DMD: variants seen among roughly 807,000 people sequenced by gnomAD.
The protein encoded by DMD is mutant dystrophin.
Under a neutral mutation model 330.1 loss-of-function variants are expected in DMD, and 63 were observed. That is an observed-to-expected ratio of 0.19 (90% CI 0.16 to 0.24). DMD has a LOEUF of 0.24. DMD is among the 10% of genes least tolerant of loss of function. The probability of loss-of-function intolerance (pLI) is 1.00; values close to 1 mark genes in which losing one functional copy is unlikely to be tolerated. For missense variants in DMD, 3,344 were observed against 2,684.1 expected (o/e 1.25, Z -5.43); for synonymous variants, 1,223 against 959.8 (o/e 1.27, Z -5.07).
chrX:32,951,399 GT>G (rs1294357074), intron 2 of DMD, among the ~76,000 whole-genome samples: 14 of 112,051 alleles, frequency 1.2e-4, no homozygotes, highest in Admixed American at 4.8e-4. Context: ...GAAAACAAGT[GT>G]GCTGGAATGT....
At chrX:32,292,509 G>A (rs989317631) in intron 42 of DMD, among the ~76,000 whole-genome samples, 6 of 108,284 alleles carry the variant, frequency 5.5e-5, no homozygotes, top group African/African-American at 2.0e-4. Context: ...GGGTTTCACC[G>A]TGTTAGCCAG....
chrX:32,528,079 C>G lies in DMD; in HGVS notation c.2169-9948G>C, dbSNP rs972144447. Among the ~76,000 whole-genome samples, 3 of 111,983 alleles carry G rather than the reference C, an allele frequency of 2.7e-5. No homozygotes were observed. In the Admixed American group the frequency reaches 2.8e-4, roughly 11 times the overall value. On this transcript the variant is annotated intron_variant, in intron 17 of 78. Transcript: ENST00000357033. The stretch of plus-strand genomic sequence containing the variant: ...ATTCCAGCACTTTGAGAGGCCGAGG[C>G]GGGCAGTTCACTTGAGGTCAGGAGT...
chrX:33,018,398 G>C (rs1461684097), intron 2 of DMD, among the ~76,000 whole-genome samples: 1 of 111,427 alleles, frequency 9.0e-6, no homozygotes, highest in Non-Finnish European at 1.9e-5. Flanking sequence ...GCATTCATAA[G>C]GACAGAAAAA....
chrX:32,232,922 GGAAA>G (rs1367397734), intron 43 of DMD, among the ~76,000 whole-genome samples: 1 of 111,820 alleles, frequency 8.9e-6, no homozygotes, highest in Non-Finnish European at 1.9e-5. Context: ...ACATGAACAT[GGAAA>G]GAAAAAGAAC....
Position 32,697,943 on chromosome X carries a change from A to C in DMD, c.887T>G (p.Phe296Cys). 8.3e-7 allele frequency: 1 copy of C among 1,206,856 alleles called. No individual in the cohort carries two copies. The highest frequency in any genetic ancestry group is 1.1e-6 in the Non-Finnish European group (1 of 893,167). The change falls in exon 9 of 79, where the codon TTC becomes TGC. Residue 296 changes from phenylalanine (F) to cysteine (C), a missense_variant. By Grantham distance (205) the Phe-to-Cys change is radical. Coordinates refer to ENST00000357033, the MANE Select transcript of DMD (RefSeq NM_004006.3). ...AGCCTGTGTGTAGGCATAGCTCTTG[A>C]ATCGAGGCTTAGGGGAAGAAGTTCT... ...YERTSSPKPR[F>C]KSYAYTQAAY...
chrX:31,820,608 C>A (rs1305971734), intron 49 of DMD, among the ~76,000 whole-genome samples: 11 of 111,876 alleles, frequency 9.8e-5, no homozygotes, highest in Non-Finnish European at 1.9e-5. Flanking sequence ...AACTGTCAGT[C>A]CCTTCAGGGA....
At chrX:32,557,263 A>G (rs1172914020) in intron 16 of DMD, among the ~76,000 whole-genome samples, 3 of 111,609 alleles carry the variant, frequency 2.7e-5, no homozygotes, top group Non-Finnish European at 5.7e-5. Context: ...ACACTTGTAC[A>G]CTTTTTTGAA....
chrX:32,373,905 T>C (rs1216793414), intron 34 of DMD, among the ~76,000 whole-genome samples: 2 of 111,868 alleles, frequency 1.8e-5, no homozygotes, highest in Non-Finnish European at 3.8e-5. Context: ...TTTGAAATCC[T>C]TAGGAGTGAA....
At chrX:31,421,976 CAT>C (rs1170084069) in intron 60 of DMD, among the ~76,000 whole-genome samples, 865 of 67,848 alleles carry the variant, frequency 0.013, 5 homozygotes, top group South Asian at 0.028. Flanking sequence ...TATATATACA[CAT>C]ATATATATGT....
chrX:32,188,513 C>T (rs1362871036), intron 44 of DMD, among the ~76,000 whole-genome samples: 1 of 104,419 alleles, frequency 9.6e-6, no homozygotes, highest in Non-Finnish European at 2.0e-5. Flanking sequence ...TTACGAGACA[C>T]TATTTATTAA....
chrX:31,228,267 T>TAAAAAAAAAAA (rs1367757647), intron 63 of DMD, among the ~76,000 whole-genome samples: 15 of 39,544 alleles, frequency 3.8e-4, no homozygotes, highest in Non-Finnish European at 5.4e-4. Context: ...AAAAAAAAAA[T>TAAAAAAAAAAA]AAAAAAATAA....
chrX:32,576,200 G>A (rs753103419), intron 13 of DMD, among the ~76,000 whole-genome samples: 17 of 111,531 alleles, frequency 1.5e-4, no homozygotes, highest in Admixed American at 1.2e-3. Context: ...GCCTAAAACT[G>A]CAGGTAGTAC....
chrX:32,384,225 C>T (rs987752985), intron 33 of DMD, among the ~76,000 whole-genome samples: 1 of 109,689 alleles, frequency 9.1e-6, no homozygotes, highest in Non-Finnish European at 1.9e-5. Flanking sequence ...ATTACTCAGT[C>T]CTTCGTAATT....
At chrX:33,094,121 A>T (rs2095122798) in intron 1 of DMD, among the ~76,000 whole-genome samples, 1 of 110,713 alleles carries the variant, frequency 9.0e-6, no homozygotes, top group Non-Finnish European at 1.9e-5. Context: ...ATTTAATTGT[A>T]ATCTTAGCCA....
At chrX:33,042,089 T>C (rs932878633) in intron 1 of DMD, among the ~76,000 whole-genome samples, 1 of 111,072 alleles carries the variant, frequency 9.0e-6, no homozygotes, top group South Asian at 3.8e-4. Flanking sequence ...ACTTTAAAAT[T>C]GAAATAAATT....
chrX:32,743,719 A>T lies in DMD; in HGVS notation c.650-44426T>A, dbSNP rs939477854. 6.3e-5 allele frequency among the ~76,000 whole-genome samples: 7 copies of T among 111,176 alleles called. 1 individual carries two copies. The South Asian group carries it at 2.7e-3, about 43-fold the overall frequency. Reference sequence around the variant, plus strand: ...CTATTTTGCTCTCAGTAGAACATTAAAAATGGCTTCCTCTGTAAAGCATTC... The same window carrying T: ...CTATTTTGCTCTCAGTAGAACATTATAAATGGCTTCCTCTGTAAAGCATTC... On this transcript the variant is annotated intron_variant, in intron 7 of 78. Coordinates refer to ENST00000357033, the MANE Select transcript of DMD (RefSeq NM_004006.3).
intron 47 of DMD, among the ~76,000 whole-genome samples, chrX:31,877,081 G>A (rs1212653526): frequency 8.9e-6 from 1 of 111,943 alleles, no homozygotes; most frequent in Non-Finnish European, 1.9e-5. Context: ...GGATGCAAGA[G>A]TTAGGAGATG....
chrX:32,876,031 C>A (rs1218706446), intron 2 of DMD, among the ~76,000 whole-genome samples: 2 of 111,839 alleles, frequency 1.8e-5, no homozygotes, highest in African/African-American at 6.5e-5. Context: ...ATCAAACACA[C>A]ACTGATTTCC....
At chrX:32,842,196 G>A (rs1228866801) in intron 4 of DMD, among the ~76,000 whole-genome samples, 20 of 112,095 alleles carry the variant, frequency 1.8e-4, no homozygotes, top group Non-Finnish European at 1.5e-4. Flanking sequence ...AGTGCTGCCT[G>A]TTGACAATCA....
Sources: gnomAD v4.1 joint callset for allele counts (sites outside exome capture counted in the v4.1 genomes callset) on GRCh38, gnomAD v4.1.1 for gene constraint, MANE v1.5 for transcripts, NCBI Gene and HGNC (gene_info 2026-07-23, HGNC 2026-07-21) for gene names.